Variants in PLSCR2 observed in about 807,000 individuals in gnomAD.
PLSCR2 encodes the protein phospholipid scramblase 2, also known as PL scramblase 2.
In PLSCR2, 18 loss-of-function variants were observed where a neutral mutation model predicts 25.3. The observed-to-expected ratio is 0.71, with a 90% CI of 0.49 to 1.06. The LOEUF is 1.06. Among genes scored for constraint, PLSCR2 ranks in the 50% least tolerant of loss-of-function variants. The pLI, the probability that PLSCR2 is intolerant of heterozygous loss-of-function variation, is 0.00. For synonymous variants in PLSCR2, 88 were observed against 87.3 expected (o/e 1.01, Z -0.04); for missense variants, 243 against 269.5 (o/e 0.90, Z 0.69).
chr3:146,454,920 C>T (rs762700587), intron 4 of PLSCR2, among the ~76,000 whole-genome samples: 7 of 152,132 alleles, frequency 4.6e-5, no homozygotes, highest in Non-Finnish European at 1.0e-4. Context: ...TGCAACTCTG[C>T]TGATTTCGAC....
At chr3:146,469,159 T>A in intron 1 of PLSCR2, 1 of 985,146 alleles carries the variant, frequency 1.0e-6, no homozygotes, top group South Asian at 4.7e-5. Context: ...AGCCCCACTA[T>A]GCTGGCACAT....
intron 2 of PLSCR2, among the ~76,000 whole-genome samples, chr3:146,406,876 G>A (rs1006770860): frequency 1.3e-5 from 2 of 152,178 alleles, no homozygotes; most frequent in Non-Finnish European, 2.9e-5. Flanking sequence ...GTCAGGAATT[G>A]GATTGGGATG....
chr3:146,409,058 G>A (rs1429572424), intron 2 of PLSCR2, among the ~76,000 whole-genome samples: 1 of 152,114 alleles, frequency 6.6e-6, no homozygotes. Flanking sequence ...AGTGAGTCCG[G>A]AGTACGGACT....
chr3:146,407,380 G>A (rs779161416), intron 2 of PLSCR2, among the ~76,000 whole-genome samples: 13 of 152,066 alleles, frequency 8.5e-5, no homozygotes, highest in African/African-American at 1.2e-4. Context: ...CAGTCTATCC[G>A]GAGAAGATGT....
chr3:146,490,345 GCT>G (rs1473288966), intron 1 of PLSCR2, among the ~76,000 whole-genome samples: 1 of 152,112 alleles, frequency 6.6e-6, no homozygotes, highest in Non-Finnish European at 1.5e-5. Flanking sequence ...TGGGCTGAGA[GCT>G]CTCTGCATTC....
chr3:146,456,750 A>G (rs1041211751), intron 3 of PLSCR2, among the ~76,000 whole-genome samples: 4 of 152,280 alleles, frequency 2.6e-5, no homozygotes, highest in Admixed American at 1.3e-4. Flanking sequence ...TCATCTTTTT[A>G]TATGCCTCGA....
chr3:146,480,368 G>A (rs1441325031), intron 1 of PLSCR2, among the ~76,000 whole-genome samples: 1 of 151,800 alleles, frequency 6.6e-6, no homozygotes, highest in Non-Finnish European at 1.5e-5. Context: ...AAAGAGAGAA[G>A]AATCAAACAG....
chr3:146,426,526 G>A (rs1011890208), intron 2 of PLSCR2, among the ~76,000 whole-genome samples: 1 of 152,106 alleles, frequency 6.6e-6, no homozygotes, highest in African/African-American at 2.4e-5. Flanking sequence ...CACTGAATGT[G>A]TGTGGCTAGT....
At chr3:146,408,981 A>G (rs1226752332) in intron 2 of PLSCR2, among the ~76,000 whole-genome samples, 1 of 151,992 alleles carries the variant, frequency 6.6e-6, no homozygotes, top group Non-Finnish European at 1.5e-5. Context: ...CTCTCTTCGG[A>G]TACATTTCCT....
intron 1 of PLSCR2, among the ~76,000 whole-genome samples, chr3:146,493,378 C>T (rs1017473750): frequency 6.6e-6 from 1 of 151,918 alleles, no homozygotes; most frequent in African/African-American, 2.4e-5. Flanking sequence ...GTTGTAAAAC[C>T]CCTCAACAAA....
intron 2 of PLSCR2, 62 bp downstream of exon 2, chr3:146,459,786 G>T: frequency 8.5e-7 from 1 of 1,181,662 alleles, no homozygotes. Context: ...TAATTACTAT[G>T]GTTCATAAAC....
At chr3:146,430,603 C>G (rs940686560), downstream of PLSCR2, among the ~76,000 whole-genome samples, 2 of 152,168 alleles carry the variant, frequency 1.3e-5, no homozygotes, top group African/African-American at 4.8e-5. Context: ...AGCCCAAACT[C>G]AGCTAAAACT....
At chr3:146,403,980 T>C (rs1411504039) in intron 2 of PLSCR2, among the ~76,000 whole-genome samples, 5 of 152,156 alleles carry the variant, frequency 3.3e-5, no homozygotes, top group Non-Finnish European at 5.9e-5. Flanking sequence ...GATTACCTAC[T>C]CCACCCTGAC....
At chr3:146,483,509 A>ATAC (rs1553791539) in intron 1 of PLSCR2, among the ~76,000 whole-genome samples, 5 of 127,036 alleles carry the variant, frequency 3.9e-5, no homozygotes, top group Non-Finnish European at 1.7e-5. Context: ...ATATATATAT[A>ATAC]ATGTTACTAC....
chr3:146,453,004 G>A (rs1271345042), intron 5 of PLSCR2, among the ~76,000 whole-genome samples: 1 of 151,514 alleles, frequency 6.6e-6, no homozygotes, highest in Non-Finnish European at 1.5e-5. Context: ...CCCTTTATAA[G>A]AGCATTTTAA....
chr3:146,478,753 G>T (rs189219231), intron 1 of PLSCR2, among the ~76,000 whole-genome samples: 69 of 152,286 alleles, frequency 4.5e-4, no homozygotes, highest in Admixed American at 7.8e-4. Context: ...ACACCACAAA[G>T]ATACTCCTCG....
downstream of PLSCR2, among the ~76,000 whole-genome samples, chr3:146,441,517 T>C (rs1341100338): frequency 2.6e-5 from 4 of 151,950 alleles, no homozygotes; most frequent in Non-Finnish European, 5.9e-5. Flanking sequence ...AAAATTCCTA[T>C]ATTCTTTTCC....
exon 1 of PLSCR2, chr3:146,460,421 A>G (rs1189358261): frequency 1.2e-5 from 2 of 161,926 alleles, no homozygotes; most frequent in Non-Finnish European, 2.6e-5. Context: ...GCATGCCTTC[A>G]TGGAAAAGAG....
At chr3:146,458,280 C>A (rs114883050) in intron 3 of PLSCR2, 131 bp downstream of exon 3, 4 of 724,876 alleles carry the variant, frequency 5.5e-6, no homozygotes, top group Non-Finnish European at 8.4e-6. Flanking sequence ...ATTGTAAAGA[C>A]AGACATTCGT....
Sources: allele counts gnomAD v4.1 joint callset (sites outside exome capture counted in the v4.1 genomes callset), GRCh38; gene constraint gnomAD v4.1.1; transcripts MANE v1.5; gene names NCBI Gene and HGNC (gene_info 2026-07-23, HGNC 2026-07-21).